Variants in GTSF1 observed in about 807,000 individuals in gnomAD.
The protein encoded by GTSF1 is gametocyte specific factor 1.
Under a neutral mutation model 28.9 loss-of-function variants are expected in GTSF1, and 11 were observed. That is an observed-to-expected ratio of 0.38 (90% confidence interval 0.24 to 0.63). GTSF1 has a LOEUF of 0.63. Ranked by LOEUF, GTSF1 falls within the 30% of genes least tolerant of loss-of-function variation. The pLI, the probability that GTSF1 is intolerant of heterozygous loss-of-function variation, is 0.56. For missense variants in GTSF1, 146 were observed against 201.0 expected (o/e 0.73, Z 1.66); for synonymous variants, 69 against 65.6 (o/e 1.05, Z -0.25).
intron 8 of GTSF1, 138 bp downstream of exon 8, chr12:54,458,951 A>G: frequency 1.8e-6 from 1 of 567,640 alleles, no homozygotes; most frequent in Non-Finnish European, 3.2e-6. Flanking sequence ...CAGAGGCTAT[A>G]TACTTAAAAA....
At chr12:54,471,160 A>G in intron 2 of GTSF1, 73 bp downstream of exon 2, 2 of 1,247,400 alleles carry the variant, frequency 1.6e-6, no homozygotes, top group South Asian at 1.6e-5. Context: ...CCAGCACACT[A>G]AAAGTCTTGT....
At chr12:54,467,460 A>C (rs1956535871) in intron 2 of GTSF1, among the ~76,000 whole-genome samples, 2 of 151,848 alleles carry the variant, frequency 1.3e-5, no homozygotes, top group African/African-American at 4.8e-5. Flanking sequence ...GATTACAGGC[A>C]TCCACCACCA....
At chr12:54,456,352 T>C (rs55756589) in intron 8 of GTSF1, among the ~76,000 whole-genome samples, 199 bp from the exon 9 acceptor site, 9,415 of 152,242 alleles carry the variant, frequency 0.062, 426 homozygotes, top group South Asian at 0.12. Flanking sequence ...GAGAAACTTG[T>C]TAATTGAATT....
rs181078392 is a variant in GTSF1, at chr12:54,462,261, T to C, written c.329-89A>G. Reference sequence around the variant, plus strand: ...GTTGAATTTATAAGATGGGAAATAATACACCTAAGTTTTGCAGAAGCAAGT... The same window carrying C: ...GTTGAATTTATAAGATGGGAAATAACACACCTAAGTTTTGCAGAAGCAAGT... On this transcript the variant is annotated intron_variant, in intron 5 of 8. Transcript: ENST00000305879. The C allele has an allele frequency of 2.8e-4, 259 of 920,546 alleles. No homozygotes were observed. In the African/African-American group the frequency reaches 3.7e-3, roughly 13 times the overall value. The allele number at this position is 920,546 out of a possible 1,614,324, so 57.0% of individuals were successfully genotyped here.
intron 6 of GTSF1, 144 bp from the exon 7 acceptor site, chr12:54,460,615 C>T (rs974086640): frequency 3.5e-5 from 22 of 621,106 alleles, no homozygotes; most frequent in Middle Eastern, 2.8e-4. Flanking sequence ...TCCATCAAAA[C>T]GTTCCGGCAA....
rs1490771536 is a variant in GTSF1, at chr12:54,462,180, A to C, written c.329-8T>G. 4 of 1,610,142 alleles carry C rather than the reference A, an allele frequency of 2.5e-6. No individual in the cohort carries two copies. The highest frequency in any genetic ancestry group is 3.4e-6 in the Non-Finnish European group (4 of 1,176,474). Reference sequence around the variant, plus strand: ...TGGTCTGCTCCCACAAATCTGTTAAAGGAAGCAAAACATAGTTTGTGGTAC... The same window carrying C: ...TGGTCTGCTCCCACAAATCTGTTAACGGAAGCAAAACATAGTTTGTGGTAC... On this transcript the variant is annotated splice_polypyrimidine_tract_variant and splice_region_variant and intron_variant, in intron 5 of 8. Coordinates refer to ENST00000305879, the MANE Select transcript of GTSF1 (RefSeq NM_144594.3).
intron 4 of GTSF1, 50 bp downstream of exon 4, chr12:54,463,121 C>A (rs1362457356): frequency 6.3e-7 from 1 of 1,577,468 alleles, no homozygotes; most frequent in Non-Finnish European, 8.6e-7. Flanking sequence ...TAATACAAAT[C>A]TGAAGGAGCT....
intron 4 of GTSF1, 56 bp downstream of exon 4, chr12:54,463,115 A>G (rs201519905): frequency 6.3e-5 from 99 of 1,566,970 alleles, no homozygotes; most frequent in Middle Eastern, 1.7e-4. Flanking sequence ...CTAGCATAAT[A>G]CAAATCTGAA....
Position 54,465,139 on chromosome 12 carries a change from C to T in GTSF1, c.45G>A (p.Leu15=). The change falls in exon 3 of 9, where the codon TTG becomes TTA. Residue 15 remains leucine, a synonymous_variant. Transcript: ENST00000305879. ...YTDSLDPEKL[L]QCPYDKNHQI... ...GATGGTTTTTGTCATAGGGGCATTG[C>T]AATAGCTTCTCAGGGTCCAGGGAGT... 6.2e-7 allele frequency: 1 copy of T among 1,613,372 alleles called. No homozygotes were observed. Among genetic ancestry groups the T allele is most frequent in the Non-Finnish European group, 8.5e-7 (1 of 1,179,464 alleles).
At chr12:54,467,258 G>A (rs1956530996) in intron 2 of GTSF1, among the ~76,000 whole-genome samples, 1 of 151,532 alleles carries the variant, frequency 6.6e-6, no homozygotes, top group Non-Finnish European at 1.5e-5. Flanking sequence ...TTAGCCTAAG[G>A]TCCTCAAGGT....
In GTSF1 at chr12:54,460,417, T is replaced by G. The variant is rs1227632173; in HGVS notation, c.447A>C (p.Arg149=). The change falls in exon 7 of 9, where the codon CGA becomes CGC. Residue 149 remains arginine (R), a synonymous_variant. Transcript: ENST00000305879. ...GAACATACGGCAGAGATTTGGGAAC[T>G]CGCATGCCTGAAGCCAGGTTATTCT... ...EHKNNLASGM[R]VPKSLPYVLP... 6.2e-7 allele frequency: 1 copy of G among 1,614,060 alleles called. No individual in the cohort carries two copies.
At chr12:54,459,564 T>C (rs1484050584) in intron 7 of GTSF1, 1 of 690,338 alleles carries the variant, frequency 1.4e-6, no homozygotes, top group East Asian at 6.8e-5. Context: ...AATTTAGTAC[T>C]TGTTTACCCA....
rs186804345 is a variant in GTSF1, at chr12:54,460,466, G to A, written c.398C>T (p.Ala133Val). Reference protein sequence around the residue: ...TTHYSDNNSPASNIVTEHKNN... With the variant: ...TTHYSDNNSPVSNIVTEHKNN... Reference sequence around the variant, plus strand: ...CTTATGTTCTGTAACTATGTTGCTCGCAGGGCTGCAAAAAGATGAATTTGG... The same window carrying A: ...CTTATGTTCTGTAACTATGTTGCTCACAGGGCTGCAAAAAGATGAATTTGG... The change falls in exon 7 of 9, where the codon GCG (alanine) becomes GTG (valine). Residue 133 changes from alanine (A) to valine (V), a missense_variant. By Grantham distance (64) the Ala-to-Val change is moderately conservative (BLOSUM62 0). Coordinates refer to ENST00000305879, the MANE Select transcript of GTSF1 (RefSeq NM_144594.3). 1.2e-5 allele frequency: 20 copies of A among 1,611,550 alleles called. No homozygotes were observed. The highest frequency in any genetic ancestry group is 3.3e-5 in the Admixed American group (2 of 59,986).
intron 3 of GTSF1, among the ~76,000 whole-genome samples, chr12:54,464,090 T>C (rs902715346): frequency 1.3e-5 from 2 of 151,936 alleles, no homozygotes; most frequent in Admixed American, 6.6e-5. Context: ...TCTGGAAAAA[T>C]ATATAGGTGT....
At chr12:54,465,355 AGAACC>A (rs1956495078) in intron 2 of GTSF1, among the ~76,000 whole-genome samples, 188 bp from the exon 3 acceptor site, 1 of 152,220 alleles carries the variant, frequency 6.6e-6, no homozygotes, top group South Asian at 2.1e-4. Flanking sequence ...TAAGTTCAGC[AGAACC>A]AGAAATCTCA....
intron 2 of GTSF1, among the ~76,000 whole-genome samples, chr12:54,468,456 A>C (rs1461415738): frequency 6.6e-6 from 1 of 152,162 alleles, no homozygotes; most frequent in Non-Finnish European, 1.5e-5. Context: ...AACACCTAAG[A>C]GTATTGCATT....
chr12:54,470,570 C>A (rs1207315657), intron 2 of GTSF1, among the ~76,000 whole-genome samples: 2 of 152,170 alleles, frequency 1.3e-5, no homozygotes, highest in African/African-American at 2.4e-5. Flanking sequence ...AAAGTAGGTA[C>A]TGTTGACAAG....
chr12:54,460,548 T>G (rs1227065891), intron 6 of GTSF1, 77 bp from the exon 7 acceptor site: 8 of 958,132 alleles, frequency 8.3e-6, no homozygotes, highest in Non-Finnish European at 1.1e-5. Context: ...TCAAAATGTG[T>G]TTTTTGTAAT....
chr12:54,463,525 G>T (rs1210608161), intron 3 of GTSF1, among the ~76,000 whole-genome samples: 1 of 152,116 alleles, frequency 6.6e-6, no homozygotes, highest in African/African-American at 2.4e-5. Context: ...TATGATTGTA[G>T]AGACTGACAA....
Sources: allele counts gnomAD v4.1 joint callset (sites outside exome capture counted in the v4.1 genomes callset), GRCh38; gene constraint gnomAD v4.1.1; transcripts MANE v1.5; gene names NCBI Gene and HGNC (gene_info 2026-07-23, HGNC 2026-07-21).